The following TNRC6C variants were observed in gnomAD, a reference collection of about 807,000 sequenced individuals.
TNRC6C encodes trinucleotide repeat-containing gene 6C protein.
Under a neutral mutation model 153.7 loss-of-function variants are expected in TNRC6C, and 20 were observed. The observed-to-expected ratio is 0.13, with a 90% CI of 0.09 to 0.19. The LOEUF (loss-of-function observed/expected upper bound fraction) is 0.19, where lower values mean the gene tolerates loss of function less well. Ranked by LOEUF, TNRC6C falls within the 10% of genes least tolerant of loss-of-function variation. TNRC6C has a pLI of 1.00. For missense variants in TNRC6C, 1,987 were observed against 2,172.0 expected, an observed-to-expected ratio of 0.91 and a Z score of 1.69; for synonymous variants, 811 against 841.4, an observed-to-expected ratio of 0.96 and a Z score of 0.63.
chr17:78,027,441 C>A (rs1042193189), intron 1 of TNRC6C, among the ~76,000 whole-genome samples: 1 of 152,190 alleles, frequency 6.6e-6, no homozygotes, highest in African/African-American at 2.4e-5. Context: ...TGCACACAAA[C>A]ACCGCAACCC....
At chr17:78,088,866 C>G (rs995609898) in intron 13 of TNRC6C, among the ~76,000 whole-genome samples, 2 of 151,962 alleles carry the variant, frequency 1.3e-5, no homozygotes, top group African/African-American at 4.8e-5. Flanking sequence ...AAATTTCATC[C>G]CACCTATTAT....
intron 2 of TNRC6C, among the ~76,000 whole-genome samples, chr17:78,038,886 C>T: frequency 6.6e-6 from 1 of 152,138 alleles, no homozygotes; most frequent in Middle Eastern, 3.4e-3. Flanking sequence ...TTAATCTTCT[C>T]AAGACCCTGT....
At chr17:78,056,404 C>T (rs1384761240) in intron 3 of TNRC6C, among the ~76,000 whole-genome samples, 1 of 151,638 alleles carries the variant, frequency 6.6e-6, no homozygotes, top group Non-Finnish European at 1.5e-5. Flanking sequence ...GTGATCCACC[C>T]ACCTCAGCCT....
At position 78,075,323 on chromosome 17, in the gene TNRC6C, G is replaced by A. The variant is rs987548458; in HGVS notation, c.3060+45G>A. The A allele has an allele frequency of 1.9e-6, 3 of 1,541,864 alleles. No individual in the cohort carries two copies. Among genetic ancestry groups the A allele is most frequent in the Non-Finnish European group, 1.8e-6 (2 of 1,138,966 alleles). On this transcript the variant is annotated intron_variant, in intron 8 of 19. Coordinates refer to ENST00000301624, the Ensembl canonical transcript of TNRC6C. The surrounding 1 kb of genome is among the most constrained non-coding windows in gnomAD (Gnocchi z 4.2). ...GTTGTTTTTGCTTTTTTAACAAGAG[G>A]AGTTTTTCATTTCAACTGTGTCCTT...
exon 3 of TNRC6C, chr17:78,050,788 A>G: frequency 6.2e-7 from 1 of 1,609,102 alleles, no homozygotes; most frequent in South Asian, 1.1e-5. Context: ...TGAGCCTCCA[A>G]AGCCCAAATC....
chr17:77,958,563 C>T (rs901390190), upstream of TNRC6C, among the ~76,000 whole-genome samples: 7 of 152,022 alleles, frequency 4.6e-5, no homozygotes, highest in Admixed American at 2.0e-4. Flanking sequence ...GCCGATTGGC[C>T]AGTTCGCCCT....
At chr17:78,103,370 A>G (rs2073632308) in intron 18 of TNRC6C, 44 bp from the exon 22 acceptor site, 1 of 1,606,532 alleles carries the variant, frequency 6.2e-7, no homozygotes. Context: ...TAGTGAAAGA[A>G]ATCAGAAGAA....
At chr17:77,982,694 G>A (rs1459496387) in intron 1 of TNRC6C, among the ~76,000 whole-genome samples, 1 of 152,124 alleles carries the variant, frequency 6.6e-6, no homozygotes, top group Non-Finnish European at 1.5e-5. Flanking sequence ...AGCTGGGTGT[G>A]GTGGCCCATG....
At chr17:78,076,377 C>T (rs1241860196) in intron 8 of TNRC6C, among the ~76,000 whole-genome samples, 2 of 152,268 alleles carry the variant, frequency 1.3e-5, no homozygotes, top group African/African-American at 2.4e-5. Context: ...TCCTGCCCCT[C>T]GCCAGTGGGG....
At chr17:78,013,313 G>A (rs554586869) in intron 1 of TNRC6C, among the ~76,000 whole-genome samples, 16 of 152,248 alleles carry the variant, frequency 1.1e-4, no homozygotes, top group African/African-American at 3.6e-4. Context: ...AATTGAAGAC[G>A]AATTAAACAG....
At position 78,079,638 on chromosome 17, in the gene TNRC6C, A is replaced by G; in HGVS notation, c.3357+97A>G. The G allele has an allele frequency of 6.8e-7, 1 of 1,467,798 alleles. No individual in the cohort carries two copies. The highest frequency in any genetic ancestry group is 2.3e-5 in the East Asian group (1 of 43,522). 90.9% of individuals were successfully genotyped at this position (1,467,798 alleles called of 1,614,324 possible). A position where few individuals can be genotyped will look rare whatever the true frequency, so the allele number is the denominator to read the frequency against. On this transcript the variant is annotated intron_variant, in intron 10 of 19. Coordinates refer to ENST00000301624, the Ensembl canonical transcript of TNRC6C. This position sits in a 1 kb window ranked among gnomAD's most constrained non-coding sequence, Gnocchi z 4.3. ...CTGGAAGTCACTATTTTAAAGTGAG[A>G]GCGGAGTTAATCCATGTTTAAGAGA...
At chr17:78,018,095 A>G (rs1031239629) in intron 1 of TNRC6C, among the ~76,000 whole-genome samples, 3 of 152,152 alleles carry the variant, frequency 2.0e-5, no homozygotes, top group Non-Finnish European at 2.9e-5. Flanking sequence ...ATATGTGTGT[A>G]TATATATGGT....
At position 77,978,140 on chromosome 17, in the gene TNRC6C, A is replaced by G. The variant is rs11871957; in HGVS notation, c.-38+18872A>G. Among the ~76,000 whole-genome samples the G allele has an allele frequency of 4.6e-5, 7 of 151,726 alleles. No individual in the cohort carries two copies. The East Asian group carries it at 1.4e-3, about 29-fold the overall frequency. On this transcript the variant is annotated intron_variant, in intron 1 of 22. Transcript: ENST00000636222. The stretch of plus-strand genomic sequence containing the variant: ...TCTCGATCTCCTGACCTTGTGATCC[A>G]CCCGCCTCAGCCTCCCGAAGTACTG...
At position 78,021,569 on chromosome 17, in the gene TNRC6C, T is replaced by A. The variant is rs548171918; in HGVS notation, c.-545-9947T>A. Among the ~76,000 whole-genome samples the A allele has an allele frequency of 8.0e-3, 1,218 of 152,332 alleles. 19 individuals carry two copies. The highest frequency in any genetic ancestry group is 0.027 in the African/African-American group (1,128 of 41,564). On this transcript the variant is annotated intron_variant, in intron 1 of 19. Coordinates refer to ENST00000301624, the Ensembl canonical transcript of TNRC6C. ...GGAGACATGGAATAGGTTATTTATT[T>A]TTTTATTTTTATTTTCTTGAGATAG...
rs1344939401 is a variant in TNRC6C, at chr17:77,968,014, GTTATTATTC to G, written c.-38+8761_-38+8769del. 9.2e-5 allele frequency among the ~76,000 whole-genome samples: 14 copies of G among 152,214 alleles called. No homozygotes were observed. The South Asian group carries it at 1.5e-3, about 16-fold the overall frequency. ...TTACTTTATAAAAATTTGAGATGTA[GTTATTATTC>G]TTATTATTCTTATTCTTATTCTTAT... On this transcript the variant is annotated intron_variant, in intron 1 of 22. Coordinates refer to the TNRC6C transcript ENST00000636222.
rs750993133 is a variant in TNRC6C at position 78,075,298 on chromosome 17, G to A, written c.3060+20G>A. 5 of 1,559,190 alleles carry A rather than the reference G, an allele frequency of 3.2e-6. No homozygotes were observed. In the South Asian group the frequency reaches 3.5e-5, roughly 11 times the overall value. On this transcript the variant is annotated intron_variant, in intron 8 of 19. Transcript: ENST00000301624. This position sits in a 1 kb window ranked among gnomAD's most constrained non-coding sequence, Gnocchi z 4.2. ...GACAAGGTATGAATATAGGTGGTTT[G>A]TTGTTTTTGCTTTTTTAACAAGAGG...
In TNRC6C at chr17:78,006,554, T is replaced by TCTTCTTC. The variant is rs1235703574; in HGVS notation, c.-546+1497_-546+1503dup. ...TTCTTCTTCTTCTTCTTCTTCTTCT[T>TCTTCTTC]CTTCTTCCTTCTTCCTTCTTCCTTC... On this transcript the variant is annotated intron_variant, in intron 1 of 19. Coordinates refer to ENST00000301624, the Ensembl canonical transcript of TNRC6C. Among the ~76,000 whole-genome samples, 58 of 63,566 alleles carry TCTTCTTC rather than the reference T, an allele frequency of 9.1e-4. 1 individual carries two copies. The highest frequency in any genetic ancestry group is 2.0e-3 in the African/African-American group (31 of 15,526). 41.7% of individuals were successfully genotyped at this position (63,566 alleles called of 152,430 possible).
At chr17:77,966,817 T>C (rs1598636433) in intron 1 of TNRC6C, among the ~76,000 whole-genome samples, 1 of 152,316 alleles carries the variant, frequency 6.6e-6, no homozygotes, top group East Asian at 1.9e-4. Flanking sequence ...TTGACCTAGA[T>C]CTTATATAAC....
chr17:78,060,650 C>T (rs1351834515), intron 3 of TNRC6C, among the ~76,000 whole-genome samples: 2 of 151,812 alleles, frequency 1.3e-5, no homozygotes, highest in Non-Finnish European at 2.9e-5. Flanking sequence ...AGGCTGGTCT[C>T]AAACTCCTGG....
Sources: allele counts gnomAD v4.1 joint callset (sites outside exome capture counted in the v4.1 genomes callset), GRCh38; gene constraint gnomAD v4.1.1; non-coding constraint Gnocchi (gnomAD v3.1); transcripts MANE v1.5; gene names NCBI Gene and HGNC (gene_info 2026-07-23, HGNC 2026-07-21).